NPAS3: variants seen among roughly 807,000 people sequenced by gnomAD.
NPAS3 encodes the protein neuronal PAS domain protein 3.
In NPAS3, 14 loss-of-function variants were observed where a neutral mutation model predicts 73.1. The observed-to-expected ratio is 0.19, with a 90% CI of 0.13 to 0.30. The LOEUF (loss-of-function observed/expected upper bound fraction) is 0.30, where lower values mean the gene tolerates loss of function less well. Ranked by LOEUF, NPAS3 falls within the 10% of genes least tolerant of loss-of-function variation. The probability of loss-of-function intolerance (pLI) is 1.00; values close to 1 mark genes in which losing one functional copy is unlikely to be tolerated. For missense variants in NPAS3, 1,096 were observed against 1,250.0 expected (o/e 0.88, Z 1.86); for synonymous variants, 620 against 541.5 (o/e 1.14, Z -2.01).
chr14:33,105,237 A>T (rs2042689107), intron 2 of NPAS3, among the ~76,000 whole-genome samples: 3 of 152,166 alleles, frequency 2.0e-5, no homozygotes, highest in African/African-American at 7.2e-5. Context: ...TAACCAAGTG[A>T]CGCTTTGCTC....
intron 4 of NPAS3, among the ~76,000 whole-genome samples, chr14:33,518,036 A>G (rs984812698): frequency 6.6e-6 from 1 of 152,138 alleles, no homozygotes; most frequent in African/African-American, 2.4e-5. Context: ...ACCAGATGAA[A>G]CAATTCTTGA....
At chr14:33,643,375 TAA>T (rs755879056) in intron 5 of NPAS3, among the ~76,000 whole-genome samples, 2,168 of 94,628 alleles carry the variant, frequency 0.023, 65 homozygotes, top group African/African-American at 0.082. Context: ...AAATAAAAAT[TAA>T]AAAAAAAAAA....
chr14:33,080,117 A>G lies in NPAS3; in HGVS notation c.140+24123A>G, dbSNP rs2041818193. The stretch of plus-strand genomic sequence containing the variant: ...AATCTGATTTTTATTTTATTTTTTA[A>G]TTTTTTTGGGACGGAGTCTCACTCT... On this transcript the variant is annotated intron_variant, in intron 2 of 11. Transcript: ENST00000356141. Among the ~76,000 whole-genome samples, 8 of 151,584 alleles carry G rather than the reference A, an allele frequency of 5.3e-5. No individual in the cohort carries two copies. In the South Asian group the frequency reaches 1.7e-3, roughly 32 times the overall value.
chr14:33,137,676 T>C (rs2043887512), intron 2 of NPAS3, among the ~76,000 whole-genome samples: 1 of 152,182 alleles, frequency 6.6e-6, no homozygotes, highest in Admixed American at 6.5e-5. Context: ...TAAGCCAGGA[T>C]TTATAATATT....
upstream of NPAS3, chr14:32,939,256 C>T (rs1427472506): frequency 1.2e-5 from 8 of 666,398 alleles, no homozygotes; most frequent in African/African-American, 3.9e-5. Flanking sequence ...CCCGCCCACG[C>T]CCCCCACCCG....
chr14:33,525,785 C>G (rs886312429), intron 4 of NPAS3, among the ~76,000 whole-genome samples: 3 of 152,086 alleles, frequency 2.0e-5, no homozygotes, highest in Non-Finnish European at 4.4e-5. Context: ...AACACATAAA[C>G]ATGCCTAAGT....
intron 4 of NPAS3, among the ~76,000 whole-genome samples, chr14:33,442,696 T>C (rs531078017): frequency 6.6e-6 from 1 of 152,368 alleles, no homozygotes; most frequent in East Asian, 1.9e-4. Flanking sequence ...GTAAGTTTCC[T>C]GAGGCCTCCC....
At chr14:33,315,466 G>T (rs374639717) in intron 3 of NPAS3, among the ~76,000 whole-genome samples, 1 of 151,332 alleles carries the variant, frequency 6.6e-6, no homozygotes, top group African/African-American at 2.4e-5. Flanking sequence ...GCATGTGTGC[G>T]CCAAGGGAGG....
At chr14:33,174,203 C>T (rs571550232) in intron 2 of NPAS3, among the ~76,000 whole-genome samples, 2 of 152,214 alleles carry the variant, frequency 1.3e-5, no homozygotes, top group Non-Finnish European at 2.9e-5. Context: ...GTGCAGATGC[C>T]GTTTAGCCAT....
chr14:33,577,689 A>C (rs938134681), intron 5 of NPAS3, among the ~76,000 whole-genome samples: 1 of 152,198 alleles, frequency 6.6e-6, no homozygotes, highest in African/African-American at 2.4e-5. Flanking sequence ...GGAAGGGATA[A>C]ACTGGGACTG....
chr14:33,619,589 G>A lies in NPAS3; in HGVS notation c.559-56622G>A, dbSNP rs2058021977. 3.3e-5 allele frequency among the ~76,000 whole-genome samples: 5 copies of A among 152,204 alleles called. 1 individual carries two copies. In the South Asian group the frequency reaches 8.3e-4, roughly 25 times the overall value. ...AAAGTAAATTTGGAGCCTTCTCTGT[G>A]TGTATACGTGCACACACGTGCTCTT... On this transcript the variant is annotated intron_variant, in intron 5 of 11. Coordinates refer to ENST00000356141, the Ensembl canonical transcript of NPAS3.
chr14:33,003,829 G>C (rs1300751800), intron 1 of NPAS3, among the ~76,000 whole-genome samples: 2 of 152,216 alleles, frequency 1.3e-5, no homozygotes, highest in African/African-American at 4.8e-5. Context: ...GGTTAAGGCA[G>C]TTTGATATTC....
At chr14:33,126,392 T>G (rs574711493) in intron 2 of NPAS3, among the ~76,000 whole-genome samples, 1 of 152,264 alleles carries the variant, frequency 6.6e-6, no homozygotes, top group East Asian at 1.9e-4. Context: ...GCAGAGGTCT[T>G]ACAGCTTTCT....
chr14:33,261,438 A>G (rs2048973629), intron 3 of NPAS3, among the ~76,000 whole-genome samples: 2 of 152,160 alleles, frequency 1.3e-5, no homozygotes, highest in Non-Finnish European at 2.9e-5. Context: ...AACAACTCCA[A>G]TACTTTATGG....
At chr14:33,400,214 A>G (rs1378846440) in intron 4 of NPAS3, among the ~76,000 whole-genome samples, 4 of 152,160 alleles carry the variant, frequency 2.6e-5, no homozygotes, top group African/African-American at 7.2e-5. Context: ...TTTTAAATTC[A>G]TCATACACAC....
intron 1 of NPAS3, among the ~76,000 whole-genome samples, chr14:33,002,415 C>G (rs1172005800): frequency 1.3e-5 from 2 of 152,076 alleles, no homozygotes; most frequent in South Asian, 4.1e-4. Flanking sequence ...CTTTTGAGAA[C>G]AGGAATAAAA....
chr14:33,389,293 C>T (rs890364238), intron 4 of NPAS3, among the ~76,000 whole-genome samples: 2 of 152,114 alleles, frequency 1.3e-5, no homozygotes, highest in African/African-American at 4.8e-5. Flanking sequence ...ATATATGTTT[C>T]CTTTAAGGTA....
Position 33,004,817 on chromosome 14 carries a change from C to CTTTTTTTTTTTTTTT in NPAS3, c.51-51083_51-51069dup. Among the ~76,000 whole-genome samples, 111 of 63,946 alleles carry CTTTTTTTTTTTTTTT rather than the reference C, an allele frequency of 1.7e-3. 3 individuals are homozygous for CTTTTTTTTTTTTTTT. Among genetic ancestry groups the CTTTTTTTTTTTTTTT allele is most frequent in the African/African-American group, 4.5e-3 (101 of 22,458 alleles). 42.0% of individuals were successfully genotyped at this position (63,946 alleles called of 152,430 possible). On this transcript the variant is annotated intron_variant, in intron 1 of 11. Coordinates refer to ENST00000356141, the Ensembl canonical transcript of NPAS3. ...CTTTTTTCTATTGTAAAAAGTTTTC[C>CTTTTTTTTTTTTTTT]TTTTTTTTTTTTTTTTTTTAGTTTT...
chr14:33,757,973 C>T (rs2062166844), intron 7 of NPAS3, among the ~76,000 whole-genome samples: 1 of 152,166 alleles, frequency 6.6e-6, no homozygotes, highest in Non-Finnish European at 1.5e-5. Flanking sequence ...GCCTCAGTGC[C>T]TGCACAGAGC....
Sources: allele counts gnomAD v4.1 joint callset (sites outside exome capture counted in the v4.1 genomes callset), GRCh38; gene constraint gnomAD v4.1.1; transcripts MANE v1.5; gene names NCBI Gene and HGNC (gene_info 2026-07-23, HGNC 2026-07-21).